TSPAN13: variants seen among roughly 807,000 people sequenced by gnomAD.
TSPAN13 encodes the protein tetraspanin 13.
TSPAN13 carries 18 observed loss-of-function variants against 26.9 expected under a neutral mutation model. That is an observed-to-expected ratio of 0.67 (90% CI 0.46 to 0.99). The LOEUF (loss-of-function observed/expected upper bound fraction) is 0.99. Ranked by LOEUF, TSPAN13 falls within the 50% of genes least tolerant of loss-of-function variation. The pLI is 0.00. For missense variants in TSPAN13, 201 were observed against 249.6 expected (o/e 0.81, Z 1.31); for synonymous variants, 116 against 98.4 (o/e 1.18, Z -1.06).
chr7:16,754,054 G>A (rs760497472), intron 1 of TSPAN13, 24 bp downstream of exon 1: 1 of 1,610,836 alleles, frequency 6.2e-7, no homozygotes, highest in African/African-American at 1.3e-5. Flanking sequence ...GTCCGTTCCT[G>A]CTCGCTTGGG....
intron 2 of TSPAN13, 83 bp from the exon 3 acceptor site, chr7:16,776,959 T>G: frequency 2.3e-6 from 2 of 869,398 alleles, no homozygotes; most frequent in Admixed American, 4.6e-5. Context: ...TTCTTGTGCA[T>G]TCTAAAGTTG....
intron 1 of TSPAN13, chr7:16,775,878 T>G: frequency 5.2e-6 from 1 of 192,960 alleles, no homozygotes; most frequent in Non-Finnish European, 1.1e-5. Context: ...CATCTGGAAG[T>G]TTTTGTGTAT....
At chr7:16,760,766 A>T (rs1036083826) in intron 1 of TSPAN13, among the ~76,000 whole-genome samples, 1 of 152,212 alleles carries the variant, frequency 6.6e-6, no homozygotes, top group Non-Finnish European at 1.5e-5. Context: ...GTGTCTCAGA[A>T]GTCAAGTGCA....
chr7:16,758,315 A>T (rs1425629122), intron 1 of TSPAN13, among the ~76,000 whole-genome samples: 1 of 152,182 alleles, frequency 6.6e-6, no homozygotes, highest in Non-Finnish European at 1.5e-5. Context: ...GAAAACTGAA[A>T]CTTTTCCAAC....
intron 1 of TSPAN13, among the ~76,000 whole-genome samples, chr7:16,766,814 A>AG (rs1001068250): frequency 2.6e-5 from 4 of 152,218 alleles, no homozygotes; most frequent in African/African-American, 9.7e-5. Context: ...CTTAGTAAGA[A>AG]GGGGGTGTTA....
At chr7:16,780,877 C>T (rs1168554554) in intron 5 of TSPAN13, among the ~76,000 whole-genome samples, 1 of 152,152 alleles carries the variant, frequency 6.6e-6, no homozygotes, top group East Asian at 1.9e-4. Context: ...TACATACTGT[C>T]TCCTTTGGAA....
intron 1 of TSPAN13, among the ~76,000 whole-genome samples, chr7:16,758,993 G>C (rs1378239172): frequency 6.6e-6 from 1 of 152,148 alleles, no homozygotes; most frequent in Non-Finnish European, 1.5e-5. Flanking sequence ...CCTTCATGGA[G>C]TTTATATTTA....
Position 16,777,906 on chromosome 7 carries a change from C to G in TSPAN13, c.421C>G (p.Leu141Val). The change falls in exon 4 of 6, where the codon CTG (leucine) becomes GTG (valine). Residue 141 changes from leucine to valine, a missense_variant. Physicochemically the swap from Leu to Val is conservative, Grantham distance 32 (BLOSUM62 1). Transcript: ENST00000262067. Reference sequence around the variant, plus strand: ...AAGTGTTAACCCAAATGACACCTGTCTGGCTGTAAGTACATTGTATAATAT... The same window carrying G: ...AAGTGTTAACCCAAATGACACCTGTGTGGCTGTAAGTACATTGTATAATAT... ...FRSVNPNDTC[L>V]ASCVKSDHSC... The G allele has an allele frequency of 3.7e-6, 6 of 1,610,364 alleles. No homozygotes were observed. The highest frequency in any genetic ancestry group is 5.1e-6 in the Non-Finnish European group (6 of 1,177,200).
At chr7:16,762,643 G>A (rs1359077857) in intron 1 of TSPAN13, among the ~76,000 whole-genome samples, 1 of 152,108 alleles carries the variant, frequency 6.6e-6, no homozygotes, top group Non-Finnish European at 1.5e-5. Flanking sequence ...TGCTTAAAAT[G>A]GTAAGTTTTA....
At chr7:16,765,191 C>G (rs1784592001) in intron 1 of TSPAN13, among the ~76,000 whole-genome samples, 1 of 152,122 alleles carries the variant, frequency 6.6e-6, no homozygotes, top group African/African-American at 2.4e-5. Flanking sequence ...CAACCTTGAC[C>G]TCCTGGGCTG....
At chr7:16,760,074 G>T (rs10265402) in intron 1 of TSPAN13, among the ~76,000 whole-genome samples, 7,702 of 152,230 alleles carry the variant, frequency 0.051, 699 homozygotes, top group African/African-American at 0.17. Context: ...CAGGAAATGA[G>T]GTCAGAGAAG....
chr7:16,754,828 G>A (rs976538946), intron 1 of TSPAN13, among the ~76,000 whole-genome samples: 1 of 152,138 alleles, frequency 6.6e-6, no homozygotes, highest in Non-Finnish European at 1.5e-5. Flanking sequence ...ACAGGAGGAT[G>A]GGCAGGACAG....
At chr7:16,763,099 A>C (rs942463561) in intron 1 of TSPAN13, among the ~76,000 whole-genome samples, 1 of 152,148 alleles carries the variant, frequency 6.6e-6, no homozygotes, top group Admixed American at 6.5e-5. Flanking sequence ...TTGGTGTTAA[A>C]TTTAGTAACG....
chr7:16,754,560 G>GAACAAA (rs1784461137), intron 1 of TSPAN13, among the ~76,000 whole-genome samples: 1 of 152,226 alleles, frequency 6.6e-6, no homozygotes, highest in African/African-American at 2.4e-5. Flanking sequence ...CAGGATGTCC[G>GAACAAA]CTGCTTCCGA....
intron 1 of TSPAN13, among the ~76,000 whole-genome samples, chr7:16,763,542 A>G (rs1447380001): frequency 6.6e-6 from 1 of 152,194 alleles, no homozygotes; most frequent in Admixed American, 6.5e-5. Flanking sequence ...TTTACGGGCT[A>G]GATCTTTCCC....
rs539397888 is a variant in TSPAN13, at chr7:16,777,145, T to C, written c.312+23T>C. The C allele has an allele frequency of 4.7e-5, 71 of 1,504,122 alleles. No homozygotes were observed. The East Asian group carries it at 1.4e-3, about 30-fold the overall frequency. 93.2% of individuals were successfully genotyped at this position (1,504,122 alleles called of 1,614,324 possible). A position where few individuals can be genotyped will look rare whatever the true frequency, so the allele number is the denominator to read the frequency against. ...CAGGTAAGCTAAGACTTTTTTCTTC[T>C]ACTTTATTATACCACATAGCATGAG... On this transcript the variant is annotated intron_variant, in intron 3 of 5. Transcript: ENST00000262067.
At chr7:16,775,685 T>C (rs1004042767) in intron 1 of TSPAN13, 2 of 152,180 alleles carry the variant, frequency 1.3e-5, no homozygotes, top group South Asian at 2.1e-4. Context: ...GGAAACACAA[T>C]GTGTGATGAA....
At chr7:16,762,937 A>C (rs1170451636) in intron 1 of TSPAN13, among the ~76,000 whole-genome samples, 1 of 152,188 alleles carries the variant, frequency 6.6e-6, no homozygotes, top group Non-Finnish European at 1.5e-5. Context: ...ACATTTTATA[A>C]GTTTGGGCAT....
At chr7:16,754,810 C>T (rs1784464274) in intron 1 of TSPAN13, among the ~76,000 whole-genome samples, 1 of 152,032 alleles carries the variant, frequency 6.6e-6, no homozygotes, top group Non-Finnish European at 1.5e-5. Context: ...AGGCGCAATT[C>T]TGGGTGAACA....
Sources: allele counts gnomAD v4.1 joint callset (sites outside exome capture counted in the v4.1 genomes callset), GRCh38; gene constraint gnomAD v4.1.1; transcripts MANE v1.5; gene names NCBI Gene and HGNC (gene_info 2026-07-23, HGNC 2026-07-21).